Variants in GRAMD2A observed in about 807,000 individuals in gnomAD.
GRAMD2A encodes GRAM domain containing 2A.
GRAMD2A carries 37 observed loss-of-function variants against 51.1 expected under a neutral mutation model. The observed-to-expected ratio is 0.72, with a 90% CI of 0.56 to 0.95. The LOEUF is 0.95. Ranked by LOEUF, GRAMD2A falls within the 40% of genes least tolerant of loss-of-function variation. The pLI is 0.00. For missense variants in GRAMD2A, 414 were observed against 426.9 expected, an observed-to-expected ratio of 0.97 and a Z score of 0.27; for synonymous variants, 136 against 157.1, an observed-to-expected ratio of 0.87 and a Z score of 1.01.
At chr15:72,162,158 G>T in intron 11 of GRAMD2A, 115 bp downstream of exon 11, 2 of 1,346,520 alleles carry the variant, frequency 1.5e-6, no homozygotes, top group Non-Finnish European at 2.1e-6. Flanking sequence ...CCTTGCTTAG[G>T]GTCAGAAGCC....
At chr15:72,173,971 C>T (rs11630611) in intron 1 of GRAMD2A, 79,211 of 142,396 alleles carry the variant, frequency 0.56, 26,521 homozygotes, top group Non-Finnish European at 0.74. Flanking sequence ...AACTCCTTTA[C>T]ACATGATCAA....
intron 1 of GRAMD2A, among the ~76,000 whole-genome samples, chr15:72,179,316 G>A (rs2081679579): frequency 6.6e-6 from 1 of 152,260 alleles, no homozygotes; most frequent in African/African-American, 2.4e-5. Context: ...TCTTTAGAGT[G>A]AAAAGATGAG....
Position 72,161,243 on chromosome 15 carries a change from C to T in GRAMD2A, c.*766G>A, listed in dbSNP as rs1266989313. On this transcript the variant is annotated 3_prime_UTR_variant, in exon 12 of 12. Coordinates refer to ENST00000309731, the MANE Select transcript of GRAMD2A (RefSeq NM_001012642.3). Reference sequence around the variant, plus strand: ...GACCACAGTGATCAAAGGCCCTGCTCCACTTGTCTCACCGGAAAGTGACAG... The same window carrying T: ...GACCACAGTGATCAAAGGCCCTGCTTCACTTGTCTCACCGGAAAGTGACAG... The T allele has an allele frequency of 6.6e-6, 1 of 152,416 alleles. No homozygotes were observed. Among genetic ancestry groups the T allele is most frequent in the Non-Finnish European group, 1.5e-5 (1 of 68,188 alleles). 9.4% of individuals were successfully genotyped at this position (152,416 alleles called of 1,614,324 possible). A position where few individuals can be genotyped will look rare whatever the true frequency, so the allele number is the denominator to read the frequency against.
At chr15:72,183,546 A>AACC (rs1170685832) in intron 1 of GRAMD2A, among the ~76,000 whole-genome samples, 2 of 134,836 alleles carry the variant, frequency 1.5e-5, no homozygotes, top group Non-Finnish European at 3.2e-5. Flanking sequence ...CAACAACAAC[A>AACC]AACCCGGGCA....
chr15:72,193,171 T>G (rs2081780307), intron 1 of GRAMD2A, among the ~76,000 whole-genome samples: 1 of 151,704 alleles, frequency 6.6e-6, no homozygotes. Flanking sequence ...AAATAAAGAT[T>G]GGTTCAGTCG....
chr15:72,172,478 G>A lies in GRAMD2A; in HGVS notation c.42-2539C>T, dbSNP rs983201935. 2.7e-5 allele frequency among the ~76,000 whole-genome samples: 4 copies of A among 145,784 alleles called. No homozygotes were observed. The South Asian group carries it at 8.7e-4, about 32-fold the overall frequency. ...GTCACCCAAGCTGGAGTGCAGTGGT[G>A]TGATCTCAGCTCACTGCAACCTCCG... On this transcript the variant is annotated intron_variant, in intron 1 of 11. Transcript: ENST00000309731.
At position 72,166,278 on chromosome 15, in the gene GRAMD2A, A is replaced by G. The variant is rs2081543250; in HGVS notation, c.543+354T>C. 6.6e-6 allele frequency among the ~76,000 whole-genome samples: 1 copy of G among 152,250 alleles called. No homozygotes were observed. Among genetic ancestry groups the G allele is most frequent in the Admixed American group, 6.5e-5 (1 of 15,288 alleles). ...CTAATGAAAGCATTCTGAGATGTTT[A>G]AGGGAGGTGAGGCTAAGCTACGATG... On this transcript the variant is annotated intron_variant, in intron 7 of 11. Transcript: ENST00000309731. This position sits in a 1 kb window ranked among gnomAD's most constrained non-coding sequence, Gnocchi z 4.1.
At chr15:72,190,115 G>A (rs866056658) in intron 1 of GRAMD2A, among the ~76,000 whole-genome samples, 7 of 152,298 alleles carry the variant, frequency 4.6e-5, no homozygotes, top group African/African-American at 4.8e-5. Flanking sequence ...GGTGGCTCAC[G>A]CCTGTAATCC....
intron 3 of GRAMD2A, 74 bp downstream of exon 3, chr15:72,168,865 C>T: frequency 1.4e-6 from 2 of 1,413,526 alleles, no homozygotes; most frequent in Non-Finnish European, 2.0e-6. Flanking sequence ...GGCCAAGGAG[C>T]CAAAAGTCAC....
chr15:72,167,869 T>G, intron 4 of GRAMD2A, 30 bp from the exon 5 acceptor site: 87 of 1,483,864 alleles, frequency 5.9e-5, no homozygotes, highest in Non-Finnish European at 7.3e-5. Flanking sequence ...AAAATGGCCA[T>G]AAGCAAGGTC....
intron 1 of GRAMD2A, among the ~76,000 whole-genome samples, chr15:72,173,214 A>G (rs1389123680): frequency 1.3e-5 from 2 of 152,196 alleles, no homozygotes; most frequent in Non-Finnish European, 2.9e-5. Context: ...GAGAAAAGGA[A>G]GCTGAGCCTT....
intron 1 of GRAMD2A, among the ~76,000 whole-genome samples, chr15:72,190,813 AC>A (rs1395780284): frequency 6.6e-6 from 1 of 152,086 alleles, no homozygotes; most frequent in African/African-American, 2.4e-5. Flanking sequence ...GTAGCCTATG[AC>A]CCCCAAATGA....
intron 7 of GRAMD2A, among the ~76,000 whole-genome samples, chr15:72,165,895 T>A (rs1332174639): frequency 6.6e-6 from 1 of 150,686 alleles, no homozygotes; most frequent in Non-Finnish European, 1.5e-5. Context: ...TGAGATGGAG[T>A]CTTGCTCTTG....
chr15:72,181,588 G>A (rs1019055062), intron 1 of GRAMD2A, among the ~76,000 whole-genome samples: 2 of 152,208 alleles, frequency 1.3e-5, no homozygotes, highest in Admixed American at 6.5e-5. Context: ...TTTGGAATAT[G>A]TATTTCCAAA....
chr15:72,166,597 G>C lies in GRAMD2A; in HGVS notation c.543+35C>G. 1 of 1,544,250 alleles carries C rather than the reference G, an allele frequency of 6.5e-7. No homozygotes were observed. Reference sequence around the variant, plus strand: ...GCAAGACCTGCATCCAGGCCTGAGCGACTTCCCTGGCCTTCCTGCTCCCAA... The same window carrying C: ...GCAAGACCTGCATCCAGGCCTGAGCCACTTCCCTGGCCTTCCTGCTCCCAA... On this transcript the variant is annotated intron_variant, in intron 7 of 11. Transcript: ENST00000309731. The surrounding 1 kb of genome is among the most constrained non-coding windows in gnomAD (Gnocchi z 4.1).
At chr15:72,197,674 C>A in intron 1 of GRAMD2A, 57 bp downstream of exon 1, 1 of 1,246,880 alleles carries the variant, frequency 8.0e-7, no homozygotes. Context: ...GCGGCAGCAG[C>A]CCCTCGCGGC....
chr15:72,178,233 C>A (rs911266083), intron 1 of GRAMD2A, among the ~76,000 whole-genome samples: 2 of 152,188 alleles, frequency 1.3e-5, no homozygotes, highest in Non-Finnish European at 2.9e-5. Flanking sequence ...CTTGACAAGG[C>A]AGGGAACCCC....
chr15:72,186,604 T>G (rs1014626523), intron 1 of GRAMD2A, among the ~76,000 whole-genome samples: 5 of 152,192 alleles, frequency 3.3e-5, no homozygotes, highest in African/African-American at 9.6e-5. Context: ...ATTACGGGCG[T>G]GAGCCACTGT....
rs1473988171 is a variant in GRAMD2A, at chr15:72,161,087, G to GGGCA, written c.*918_*921dup. The stretch of plus-strand genomic sequence containing the variant: ...CTGCTGTTGGCCATGCCTGAGATGC[G>GGGCA]GGCAGGCAGGCAGGGAGTGGACAGC... On this transcript the variant is annotated 3_prime_UTR_variant, in exon 12 of 12. Transcript: ENST00000309731. The GGGCA allele has an allele frequency of 1.3e-5, 2 of 152,360 alleles. No homozygotes were observed. Among genetic ancestry groups the GGGCA allele is most frequent in the Non-Finnish European group, 2.9e-5 (2 of 68,178 alleles). 9.4% of individuals were successfully genotyped at this position (152,360 alleles called of 1,614,324 possible).
Sources: allele counts gnomAD v4.1 joint callset (sites outside exome capture counted in the v4.1 genomes callset), GRCh38; gene constraint gnomAD v4.1.1; non-coding constraint Gnocchi (gnomAD v3.1); transcripts MANE v1.5; gene names NCBI Gene and HGNC (gene_info 2026-07-23, HGNC 2026-07-21).